Variants in TMEM132B observed in about 807,000 individuals in gnomAD.
The protein encoded by TMEM132B is transmembrane protein 132B.
A neutral mutation model predicts 90.8 loss-of-function variants in TMEM132B; 18 were observed. The ratio of observed to expected loss-of-function variants is 0.20; its 90% CI spans 0.14 to 0.29. TMEM132B has a LOEUF of 0.29. TMEM132B is among the 10% of genes least tolerant of loss of function. The pLI, the probability that TMEM132B is intolerant of heterozygous loss-of-function variation, is 1.00. For missense variants in TMEM132B, 1,096 were observed against 1,326.8 expected, an observed-to-expected ratio of 0.83 and a Z score of 2.70; for synonymous variants, 504 against 523.3, an observed-to-expected ratio of 0.96 and a Z score of 0.50.
chr12:125,331,317 G>T (rs2136204628), intron 1 of TMEM132B, among the ~76,000 whole-genome samples: 1 of 152,344 alleles, frequency 6.6e-6, no homozygotes, highest in African/African-American at 2.4e-5. Flanking sequence ...GGGGACTGAG[G>T]CTTTGTATTT....
At chr12:125,265,319 A>G (rs1256106992) in intron 1 of TMEM132B, among the ~76,000 whole-genome samples, 2 of 148,236 alleles carry the variant, frequency 1.3e-5, no homozygotes, top group South Asian at 2.1e-4. Context: ...TGTTTTTTCT[A>G]TACATACATA....
At chr12:125,402,052 A>G (rs535182646) in intron 2 of TMEM132B, among the ~76,000 whole-genome samples, 1 of 152,316 alleles carries the variant, frequency 6.6e-6, no homozygotes, top group African/African-American at 2.4e-5. Context: ...GGATCCGTTT[A>G]GCGGAAATAT....
intron 5 of TMEM132B, among the ~76,000 whole-genome samples, chr12:125,613,102 T>A (rs1296087180): frequency 1.5e-5 from 1 of 65,612 alleles, no homozygotes; most frequent in Non-Finnish European, 2.3e-5. Context: ...TATATATTTA[T>A]ATATTAAAAT....
At chr12:125,368,834 C>A (rs1474222263) in intron 2 of TMEM132B, among the ~76,000 whole-genome samples, 2 of 152,112 alleles carry the variant, frequency 1.3e-5, no homozygotes, top group Non-Finnish European at 2.9e-5. Flanking sequence ...CAATTTGTTC[C>A]ATGACAGGAA....
At chr12:125,343,524 G>A (rs955753354) in intron 1 of TMEM132B, among the ~76,000 whole-genome samples, 1 of 151,864 alleles carries the variant, frequency 6.6e-6, no homozygotes, top group Admixed American at 6.5e-5. Flanking sequence ...GCCAGGCCAG[G>A]TAGGCCCTCA....
intron 5 of TMEM132B, among the ~76,000 whole-genome samples, chr12:125,639,500 CAG>C (rs1886573967): frequency 3.3e-5 from 5 of 152,200 alleles, no homozygotes; most frequent in Admixed American, 3.3e-4. Flanking sequence ...GTGCTATTAG[CAG>C]AGACAGCAGG....
intron 4 of TMEM132B, among the ~76,000 whole-genome samples, chr12:125,574,106 G>T (rs960610926): frequency 6.0e-5 from 9 of 151,204 alleles, no homozygotes; most frequent in Non-Finnish European, 1.5e-5. Flanking sequence ...ATGAACTGAT[G>T]ACCTTGTTTG....
At position 125,251,169 on chromosome 12, in the gene TMEM132B, T is replaced by C. The variant is rs147848917; in HGVS notation, c.67+64303T>C. Among the ~76,000 whole-genome samples, 1 of 152,232 alleles carries C rather than the reference T, an allele frequency of 6.6e-6. No homozygotes were observed. The highest frequency in any genetic ancestry group is 1.9e-4 in the East Asian group (1 of 5,180). On this transcript the variant is annotated intron_variant, in intron 1 of 8. Transcript: ENST00000682704. The surrounding 1 kb of genome is among the most constrained non-coding windows in gnomAD (Gnocchi z 4.4). The stretch of plus-strand genomic sequence containing the variant: ...TGTCTTCCTGGGCTGGCCTGAGAGA[T>C]TAAGGATTTAATGGCATGGAGAAGG...
intron 4 of TMEM132B, among the ~76,000 whole-genome samples, chr12:125,523,182 C>T (rs1358371556): frequency 6.6e-6 from 1 of 152,180 alleles, no homozygotes; most frequent in African/African-American, 2.4e-5. Flanking sequence ...TTACCATAAA[C>T]TCAATGACTT....
At chr12:125,630,776 T>G (rs1194042542) in intron 5 of TMEM132B, among the ~76,000 whole-genome samples, 1 of 152,028 alleles carries the variant, frequency 6.6e-6, no homozygotes, top group Non-Finnish European at 1.5e-5. Flanking sequence ...CTGTCTGTTG[T>G]TCCCTTCTTT....
chr12:125,220,642 CT>C (rs1294890946), intron 1 of TMEM132B, among the ~76,000 whole-genome samples: 1 of 152,218 alleles, frequency 6.6e-6, no homozygotes, highest in Non-Finnish European at 1.5e-5. Flanking sequence ...CACGGAGCTC[CT>C]GGTGTTGACG....
chr12:125,383,277 C>G (rs1878736565), intron 2 of TMEM132B, among the ~76,000 whole-genome samples: 1 of 152,150 alleles, frequency 6.6e-6, no homozygotes, highest in Admixed American at 6.5e-5. Flanking sequence ...CATGGACCAC[C>G]TTCGTGATTT....
chr12:125,471,794 C>T (rs752844203), intron 3 of TMEM132B, among the ~76,000 whole-genome samples: 2 of 152,146 alleles, frequency 1.3e-5, no homozygotes, highest in Non-Finnish European at 2.9e-5. Flanking sequence ...CTCAAAATGT[C>T]CTGCTGAAGC....
chr12:125,369,767 G>C (rs1878239909), intron 2 of TMEM132B, among the ~76,000 whole-genome samples: 1 of 152,162 alleles, frequency 6.6e-6, no homozygotes, highest in African/African-American at 2.4e-5. Flanking sequence ...GATATTTAAT[G>C]GGCCGGGCGT....
intron 1 of TMEM132B, among the ~76,000 whole-genome samples, chr12:125,210,756 G>C (rs568513216): frequency 6.6e-6 from 1 of 152,302 alleles, no homozygotes; most frequent in South Asian, 2.1e-4. Flanking sequence ...TTGAGTCCAG[G>C]AGTTTGAGGC....
In TMEM132B at chr12:125,657,549, A is replaced by G. The variant is rs1437478784; in HGVS notation, c.*2839A>G. 1 of 152,188 alleles carries G rather than the reference A, an allele frequency of 6.6e-6. No individual in the cohort carries two copies. The highest frequency in any genetic ancestry group is 1.5e-5 in the Non-Finnish European group (1 of 68,028). The allele number at this position is 152,188 out of a possible 1,614,324, so 9.4% of individuals were successfully genotyped here. On this transcript the variant is annotated 3_prime_UTR_variant, in exon 9 of 9. Coordinates refer to ENST00000682704, the MANE Select transcript of TMEM132B (RefSeq NM_001366854.1). ...TAGCACCTTGTTTTCCAGCTAGTCA[A>G]TATACAACTATTAGGTGCTGTGCCC...
At chr12:125,428,542 A>C (rs1457174717) in intron 3 of TMEM132B, among the ~76,000 whole-genome samples, 3 of 152,152 alleles carry the variant, frequency 2.0e-5, no homozygotes, top group Non-Finnish European at 4.4e-5. Flanking sequence ...AAAAGCAATC[A>C]AATGAACCTT....
At chr12:125,432,417 A>G (rs1430541409) in intron 3 of TMEM132B, among the ~76,000 whole-genome samples, 1 of 99,752 alleles carries the variant, frequency 1.0e-5, no homozygotes, top group Non-Finnish European at 2.0e-5. Flanking sequence ...GTGTATATAT[A>G]TATATGTATG....
intron 5 of TMEM132B, among the ~76,000 whole-genome samples, chr12:125,637,674 A>T (rs1349281725): frequency 1.3e-5 from 2 of 152,180 alleles, no homozygotes; most frequent in Non-Finnish European, 2.9e-5. Flanking sequence ...CAACCAGGGA[A>T]AAGAGCCTGG....
Sources: gnomAD v4.1 joint callset for allele counts (sites outside exome capture counted in the v4.1 genomes callset) on GRCh38, gnomAD v4.1.1 for gene constraint, Gnocchi (gnomAD v3.1) non-coding constraint, MANE v1.5 for transcripts, NCBI Gene and HGNC (gene_info 2026-07-23, HGNC 2026-07-21) for gene names.